ZBTB24: variants seen among roughly 807,000 people sequenced by gnomAD.
ZBTB24 encodes zinc finger and BTB domain containing 24, also known as zinc finger and BTB domain-containing protein 24.
Under a neutral mutation model 53.8 loss-of-function variants are expected in ZBTB24, and 32 were observed. The ratio of observed to expected loss-of-function variants is 0.60; its 90% confidence interval spans 0.45 to 0.80. ZBTB24 has a LOEUF of 0.80. Among genes scored for constraint, ZBTB24 ranks in the 30% least tolerant of loss-of-function variants. ZBTB24 has a pLI of 0.00. For synonymous variants in ZBTB24, 297 were observed against 306.7 expected (o/e 0.97, Z 0.33); for missense variants, 722 against 837.1 (o/e 0.86, Z 1.70).
chr6:109,481,310 A>G lies in ZBTB24; in HGVS notation c.717T>C (p.Tyr239=). ...CCTGGCCATCCTCGGTCTTGGGATC[A>G]TAGTTCTCATCTTTTTCAACTGGCA... ...EEMPVEKDEN[Y]DPKTEDGQAS... The change falls in exon 2 of 7, where the codon TAT becomes TAC. Residue 239 remains tyrosine (Y), a synonymous_variant. Transcript: ENST00000230122. The G allele has an allele frequency of 1.2e-6, 2 of 1,614,160 alleles. No individual in the cohort carries two copies. The highest frequency in any genetic ancestry group is 1.7e-6 in the Non-Finnish European group (2 of 1,180,026).
At position 109,462,938 on chromosome 6, in the gene ZBTB24, C is replaced by T. The variant is rs1203652099; in HGVS notation, c.*2913G>A. On this transcript the variant is annotated 3_prime_UTR_variant, in exon 7 of 7. Transcript: ENST00000230122. The stretch of plus-strand genomic sequence containing the variant: ...CACTAGCAACATCATTTCTCAAGGA[C>T]ACATGAGAAGTACTTTCATGTTCAC... The T allele has an allele frequency of 6.6e-6, 1 of 152,220 alleles. No homozygotes were observed. Among genetic ancestry groups the T allele is most frequent in the East Asian group, 1.9e-4 (1 of 5,206 alleles). 9.4% of individuals were successfully genotyped at this position (152,220 alleles called of 1,614,324 possible).
In ZBTB24 at chr6:109,466,400, C is replaced by T; in HGVS notation, c.1545G>A (p.Glu515=). The T allele has an allele frequency of 6.2e-7, 1 of 1,614,164 alleles. No homozygotes were observed. Among genetic ancestry groups the T allele is most frequent in the Non-Finnish European group, 8.5e-7 (1 of 1,180,046 alleles). The change falls in exon 7 of 7, where the codon GAG becomes GAA. Residue 515 remains glutamate (E), a synonymous_variant. Coordinates refer to ENST00000230122, the MANE Select transcript of ZBTB24 (RefSeq NM_014797.3). ...TGCTGCTGGCATCTGAAGCATGCTT[C>T]TCCTTGCTATGAATTTTCAAGTGAG... The part of the protein sequence containing the change: ...LKAHLKIHSK[E]KHASDASSIS...
At chr6:109,480,325 T>C (rs948210608) in intron 2 of ZBTB24, among the ~76,000 whole-genome samples, 1 of 152,220 alleles carries the variant, frequency 6.6e-6, no homozygotes, top group African/African-American at 2.4e-5. Flanking sequence ...GGAAGGGATT[T>C]CTCACTAGGA....
chr6:109,472,241 TG>T (rs1443992835), intron 5 of ZBTB24, among the ~76,000 whole-genome samples: 1 of 152,128 alleles, frequency 6.6e-6, no homozygotes, highest in Non-Finnish European at 1.5e-5. Context: ...TAGGGACAGA[TG>T]GGTCATAGTT....
At chr6:109,475,565 T>A in intron 4 of ZBTB24, 83 bp from the exon 5 acceptor site, 1 of 1,505,504 alleles carries the variant, frequency 6.6e-7, no homozygotes, top group Non-Finnish European at 9.2e-7. Flanking sequence ...AGCACTTCCC[T>A]GAAAAATAAT....
In ZBTB24 at chr6:109,465,857, C is replaced by T; in HGVS notation, c.2088G>A (p.Gln696=). 6.2e-7 allele frequency: 1 copy of T among 1,614,202 alleles called. No homozygotes were observed. The highest frequency in any genetic ancestry group is 8.5e-7 in the Non-Finnish European group (1 of 1,180,038). Residue 696 remains glutamine, a synonymous_variant, in exon 7 of 7, where the codon CAG becomes CAA. Transcript: ENST00000230122. ...VPQPTPLGQE[Q]S is the part of the protein sequence containing the mutation. ...AGTCAAACGTGTTTACAGGTCAGCT[C>T]TGCTCCTGGCCAAGTGGCGTTGGCT...
At position 109,481,976 on chromosome 6, in the gene ZBTB24, G is replaced by A. The variant is rs376284623; in HGVS notation, c.51C>T (p.Asp17=). The change falls in exon 2 of 7, where the codon GAC becomes GAT. Residue 17 remains aspartate (D), a synonymous_variant. Coordinates refer to ENST00000230122, the MANE Select transcript of ZBTB24 (RefSeq NM_014797.3). The part of the protein sequence containing the change: ...EPSGQLVVHS[D]AHSDTVLASF... Reference sequence around the variant, plus strand: ...TGGCCAGCACAGTGTCACTGTGAGCGTCTGAGTGTACAACAAGCTGCCCAG... The same window carrying A: ...TGGCCAGCACAGTGTCACTGTGAGCATCTGAGTGTACAACAAGCTGCCCAG... 5 of 1,614,204 alleles carry A rather than the reference G, an allele frequency of 3.1e-6. No homozygotes were observed. Among genetic ancestry groups the A allele is most frequent in the Admixed American group, 1.7e-5 (1 of 60,028 alleles).
chr6:109,469,020 G>A (rs1452153490), intron 5 of ZBTB24, among the ~76,000 whole-genome samples: 4 of 151,786 alleles, frequency 2.6e-5, no homozygotes, highest in Non-Finnish European at 1.5e-5. Context: ...AATGGAAGAT[G>A]GTCAGTGAGC....
chr6:109,480,996 A>T, intron 2 of ZBTB24, 79 bp downstream of exon 2: 2 of 1,576,200 alleles, frequency 1.3e-6, no homozygotes, highest in Non-Finnish European at 1.7e-6. Context: ...CAGAAGTTGC[A>T]CAGTAAATGG....
intron 4 of ZBTB24, 58 bp from the exon 5 acceptor site, chr6:109,475,540 A>T (rs2115360996): frequency 6.3e-7 from 1 of 1,591,672 alleles, no homozygotes; most frequent in East Asian, 2.2e-5. Flanking sequence ...CCTTTTCTTC[A>T]GTGATTTGTG....
chr6:109,473,110 G>A (rs183215771), intron 5 of ZBTB24, among the ~76,000 whole-genome samples: 7 of 152,280 alleles, frequency 4.6e-5, no homozygotes, highest in Non-Finnish European at 1.0e-4. Context: ...GGCCTTCAAA[G>A]TACTTCAGCC....
intron 2 of ZBTB24, among the ~76,000 whole-genome samples, chr6:109,478,410 A>G (rs1029818955): frequency 6.6e-6 from 1 of 152,202 alleles, no homozygotes; most frequent in Admixed American, 6.5e-5. Flanking sequence ...CCTTCTCCCT[A>G]TAACTGGTTA....
intron 2 of ZBTB24, among the ~76,000 whole-genome samples, chr6:109,479,916 A>C (rs1409815714): frequency 1.9e-5 from 1 of 53,354 alleles, no homozygotes; most frequent in Non-Finnish European, 3.5e-5. Flanking sequence ...AATCCATCTC[A>C]AAAAAAAAAA....
intron 2 of ZBTB24, among the ~76,000 whole-genome samples, chr6:109,479,915 CAAAAAAAA>C (rs200514874): frequency 9.3e-4 from 39 of 41,822 alleles, no homozygotes; most frequent in African/African-American, 3.5e-3. Context: ...GAATCCATCT[CAAAAAAAA>C]AAAAAAAAAA....
chr6:109,479,027 C>T (rs1016686474), intron 2 of ZBTB24, among the ~76,000 whole-genome samples: 1 of 151,982 alleles, frequency 6.6e-6, no homozygotes, highest in Non-Finnish European at 1.5e-5. Flanking sequence ...AAGTGGAAAT[C>T]CCCCAGAGGG....
In ZBTB24 at chr6:109,463,290, G is replaced by C. The variant is rs944455654; in HGVS notation, c.*2561C>G. 6.6e-6 allele frequency: 1 copy of C among 152,154 alleles called. No homozygotes were observed. The highest frequency in any genetic ancestry group is 2.4e-5 in the African/African-American group (1 of 41,432). 9.4% of individuals were successfully genotyped at this position (152,154 alleles called of 1,614,324 possible). A position where few individuals can be genotyped will look rare whatever the true frequency, so the allele number is the denominator to read the frequency against. ...ATGAGCCTCCACGCCCGGCGTCATT[G>C]AACTTTTTTATTCAAAGGGGTAGAA... On this transcript the variant is annotated 3_prime_UTR_variant, in exon 7 of 7. Transcript: ENST00000230122.
chr6:109,470,811 A>G (rs1173121893), intron 5 of ZBTB24, among the ~76,000 whole-genome samples: 2 of 152,250 alleles, frequency 1.3e-5, no homozygotes, highest in African/African-American at 2.4e-5. Flanking sequence ...ACAATGGCGA[A>G]TATCTTTACA....
intron 5 of ZBTB24, 36 bp downstream of exon 5, chr6:109,475,363 C>T: frequency 6.2e-7 from 1 of 1,611,578 alleles, no homozygotes; most frequent in Non-Finnish European, 8.5e-7. Context: ...TGAAAACATC[C>T]CGTGTACTGG....
At chr6:109,472,615 C>T (rs1447215534) in intron 5 of ZBTB24, among the ~76,000 whole-genome samples, 2 of 152,122 alleles carry the variant, frequency 1.3e-5, no homozygotes, top group East Asian at 3.9e-4. Context: ...CTCAGCACAG[C>T]GCCACCCACT....
Sources: gnomAD v4.1 joint callset for allele counts (sites outside exome capture counted in the v4.1 genomes callset) on GRCh38, gnomAD v4.1.1 for gene constraint, MANE v1.5 for transcripts, NCBI Gene and HGNC (gene_info 2026-07-23, HGNC 2026-07-21) for gene names.